Variants in ST8SIA2 observed in about 807,000 individuals in gnomAD.
The protein encoded by ST8SIA2 is alpha-2,8-sialyltransferase 8B.
A neutral mutation model predicts 37.6 loss-of-function variants in ST8SIA2; 22 were observed. That is an observed-to-expected ratio of 0.58 (90% CI 0.42 to 0.83). The LOEUF is 0.83. Among genes scored for constraint, ST8SIA2 ranks in the 40% least tolerant of loss-of-function variants. The probability of loss-of-function intolerance (pLI) is 0.00; values close to 1 mark genes in which losing one functional copy is unlikely to be tolerated. For synonymous variants in ST8SIA2, 205 were observed against 201.2 expected (o/e 1.02, Z -0.16); for missense variants, 382 against 484.7 (o/e 0.79, Z 1.99).
chr15:92,451,994 T>C (rs2049885500), intron 5 of ST8SIA2, among the ~76,000 whole-genome samples: 1 of 152,208 alleles, frequency 6.6e-6, no homozygotes, highest in Non-Finnish European at 1.5e-5. Flanking sequence ...AAAAGTCTTT[T>C]TATGTTTCAA....
intron 1 of ST8SIA2, among the ~76,000 whole-genome samples, chr15:92,399,592 G>A (rs569538570): frequency 3.0e-4 from 45 of 151,104 alleles, no homozygotes; most frequent in Non-Finnish European, 5.8e-4. Context: ...TGCTCAACAC[G>A]ATGCATTTTT....
rs118127522 is a variant in ST8SIA2, at chr15:92,443,132, A to T, written c.549-1504A>T. ...AAAGTCCTTGCTTAAAGGGAGGATAAATGGTACGTTCCTGGATTTCTTCGT... is the reference window on the plus strand; with the variant it reads ...AAAGTCCTTGCTTAAAGGGAGGATATATGGTACGTTCCTGGATTTCTTCGT... On this transcript the variant is annotated intron_variant, in intron 4 of 5. Transcript: ENST00000268164. 5.0e-4 allele frequency among the ~76,000 whole-genome samples: 76 copies of T among 152,318 alleles called. No homozygotes were observed. In the East Asian group the frequency reaches 0.012, roughly 25 times the overall value.
intron 3 of ST8SIA2, among the ~76,000 whole-genome samples, chr15:92,434,604 T>C (rs973332986): frequency 6.6e-6 from 1 of 152,198 alleles, no homozygotes; most frequent in Non-Finnish European, 1.5e-5. Context: ...GAACACCCGC[T>C]GAGGTTCTGG....
intron 3 of ST8SIA2, 86 bp from the exon 4 acceptor site, chr15:92,438,267 A>T (rs1337643659): frequency 6.2e-7 from 1 of 1,601,432 alleles, no homozygotes; most frequent in Non-Finnish European, 8.6e-7. Flanking sequence ...GCCACCGTGC[A>T]GGGCGACCCT....
intron 1 of ST8SIA2, among the ~76,000 whole-genome samples, chr15:92,408,828 C>G (rs992367179): frequency 6.6e-6 from 1 of 151,942 alleles, no homozygotes; most frequent in African/African-American, 2.4e-5. Flanking sequence ...GCCTCAGCCT[C>G]CTGAATAGCT....
chr15:92,435,353 A>G (rs150761731), intron 3 of ST8SIA2, among the ~76,000 whole-genome samples: 6 of 152,278 alleles, frequency 3.9e-5, no homozygotes, highest in African/African-American at 1.4e-4. Context: ...TTAGGAGTTC[A>G]CCAAGCTGCT....
intron 1 of ST8SIA2, among the ~76,000 whole-genome samples, chr15:92,414,339 G>A (rs1661506552): frequency 6.6e-6 from 1 of 152,158 alleles, no homozygotes; most frequent in Non-Finnish European, 1.5e-5. Context: ...AGGTACATTG[G>A]CTGCTTGGCC....
At chr15:92,405,555 A>T (rs1164068933) in intron 1 of ST8SIA2, among the ~76,000 whole-genome samples, 1 of 135,174 alleles carries the variant, frequency 7.4e-6, no homozygotes, top group Non-Finnish European at 1.7e-5. Context: ...GGTGCTCGGG[A>T]CACACTGACT....
intron 5 of ST8SIA2, among the ~76,000 whole-genome samples, chr15:92,448,943 G>T (rs1314879434): frequency 6.6e-6 from 1 of 152,052 alleles, no homozygotes; most frequent in African/African-American, 2.4e-5. Flanking sequence ...GTATGTGGGG[G>T]GGGGTGTGAA....
Position 92,434,260 on chromosome 15 carries a change from A to C in ST8SIA2, c.175A>C (p.Ile59Leu). The C allele has an allele frequency of 6.2e-7, 1 of 1,614,138 alleles. No individual in the cohort carries two copies. The highest frequency in any genetic ancestry group is 8.5e-7 in the Non-Finnish European group (1 of 1,180,046). The stretch of plus-strand genomic sequence containing the variant: ...TTTCCCTTCCAGAGCTGAAGTTGTA[A>C]TAAACGGCTCCTCATCACCAGCTGT... ...HSKSNRAEVV[I>L]NGSSSPAVVD... Residue 59 changes from isoleucine (I) to leucine (L), a missense_variant, in exon 3 of 6, where the codon ATA (isoleucine) becomes CTA (leucine). Transcript: ENST00000268164.
At chr15:92,431,297 C>G (rs762042468) in intron 2 of ST8SIA2, among the ~76,000 whole-genome samples, 1 of 152,204 alleles carries the variant, frequency 6.6e-6, no homozygotes, top group African/African-American at 2.4e-5. Flanking sequence ...TCCTGGGAGC[C>G]AGGCAGCCCT....
intron 5 of ST8SIA2, among the ~76,000 whole-genome samples, chr15:92,451,301 T>C (rs1365852043): frequency 6.6e-6 from 1 of 151,766 alleles, no homozygotes; most frequent in Non-Finnish European, 1.5e-5. Context: ...GGAGAAGAGG[T>C]GTTAGAAGAC....
chr15:92,405,063 A>G (rs4777972), intron 1 of ST8SIA2, among the ~76,000 whole-genome samples: 4,548 of 152,008 alleles, frequency 0.03, 401 homozygotes, highest in East Asian at 0.3. Flanking sequence ...GAGTTTGGAC[A>G]TGCCTGGGCA....
At chr15:92,404,285 A>G (rs2049491641) in intron 1 of ST8SIA2, among the ~76,000 whole-genome samples, 1 of 152,206 alleles carries the variant, frequency 6.6e-6, no homozygotes, top group South Asian at 2.1e-4. Flanking sequence ...CTTCAGTGGA[A>G]CACTTATTAC....
chr15:92,448,762 C>G (rs2049860998), intron 5 of ST8SIA2, among the ~76,000 whole-genome samples: 1 of 152,098 alleles, frequency 6.6e-6, no homozygotes, highest in Non-Finnish European at 1.5e-5. Context: ...GAGGAGAGTG[C>G]AATAGGCTGA....
intron 1 of ST8SIA2, chr15:92,422,749 T>G (rs1028757861): frequency 3.9e-5 from 6 of 152,646 alleles, no homozygotes; most frequent in African/African-American, 1.4e-4. Context: ...CACCTTTGGT[T>G]GTTCTGCAGA....
chr15:92,461,895 C>T (rs554627686), intron 5 of ST8SIA2, among the ~76,000 whole-genome samples: 1 of 152,256 alleles, frequency 6.6e-6, no homozygotes, highest in South Asian at 2.1e-4. Flanking sequence ...ACACTTGCTC[C>T]TGTTATTTTT....
chr15:92,444,367 C>T (rs2049825027), intron 4 of ST8SIA2, among the ~76,000 whole-genome samples: 1 of 152,186 alleles, frequency 6.6e-6, no homozygotes, highest in East Asian at 1.9e-4. Flanking sequence ...TTCTTTCCTC[C>T]TCTCCTAGAT....
chr15:92,435,673 G>A (rs551682957), intron 3 of ST8SIA2, among the ~76,000 whole-genome samples: 3 of 152,192 alleles, frequency 2.0e-5, no homozygotes, highest in East Asian at 1.9e-4. Flanking sequence ...GAGCTCTGGG[G>A]ACCTAGCAGC....
Sources: gnomAD v4.1 joint callset for allele counts (sites outside exome capture counted in the v4.1 genomes callset) on GRCh38, gnomAD v4.1.1 for gene constraint, MANE v1.5 for transcripts, NCBI Gene and HGNC (gene_info 2026-07-23, HGNC 2026-07-21) for gene names.